RBFOX1: variants seen among roughly 807,000 people sequenced by gnomAD.
The protein encoded by RBFOX1 is RNA binding fox-1 homolog 1.
Under a neutral mutation model 57.7 loss-of-function variants are expected in RBFOX1, and 8 were observed. That is an observed-to-expected ratio of 0.14 (90% CI 0.08 to 0.25). RBFOX1 has a LOEUF of 0.25. RBFOX1 is among the 10% of genes least tolerant of loss of function. The pLI, the probability that RBFOX1 is intolerant of heterozygous loss-of-function variation, is 1.00. For synonymous variants in RBFOX1, 326 were observed against 222.4 expected (o/e 1.47, Z -4.15); for missense variants, 611 against 548.5 (o/e 1.11, Z -1.14).
intron 3 of RBFOX1, among the ~76,000 whole-genome samples, chr16:5,864,209 C>G (rs751941193): frequency 6.6e-6 from 1 of 152,290 alleles, no homozygotes; most frequent in East Asian, 1.9e-4. Flanking sequence ...CCAGCTCCAT[C>G]GATGTCCCTG....
At chr16:5,335,992 A>G (rs1001215411) in intron 1 of RBFOX1, among the ~76,000 whole-genome samples, 4 of 152,144 alleles carry the variant, frequency 2.6e-5, no homozygotes, top group Non-Finnish European at 5.9e-5. Context: ...AATTATTATT[A>G]GTCCAATTTG....
intron 2 of RBFOX1, among the ~76,000 whole-genome samples, chr16:6,564,292 G>A (rs2097224415): frequency 6.6e-6 from 1 of 152,088 alleles, no homozygotes; most frequent in Middle Eastern, 3.2e-3. Context: ...AAAATATGTG[G>A]CAGTATTGGC....
chr16:7,419,369 G>A (rs2098516978), intron 4 of RBFOX1, among the ~76,000 whole-genome samples: 1 of 152,152 alleles, frequency 6.6e-6, no homozygotes, highest in Admixed American at 6.5e-5. Flanking sequence ...AGTCTCCACT[G>A]TCTCTCATCT....
intron 4 of RBFOX1, among the ~76,000 whole-genome samples, chr16:5,925,522 C>T (rs1309495563): frequency 6.6e-6 from 1 of 152,134 alleles, no homozygotes; most frequent in Non-Finnish European, 1.5e-5. Context: ...GGAACATGAA[C>T]ATGATTAGTG....
intron 4 of RBFOX1, among the ~76,000 whole-genome samples, chr16:7,166,087 C>T (rs985217525): frequency 2.0e-5 from 3 of 152,044 alleles, no homozygotes; most frequent in African/African-American, 7.3e-5. Flanking sequence ...GATCTCAGCC[C>T]ACTGTAACTT....
At chr16:5,474,371 C>T (rs200970146) in intron 2 of RBFOX1, among the ~76,000 whole-genome samples, 16 of 152,246 alleles carry the variant, frequency 1.1e-4, no homozygotes, top group South Asian at 4.2e-4. Context: ...TACCCCTGGA[C>T]GGCTAGGCGC....
chr16:7,110,446 G>C (rs1293158327), intron 4 of RBFOX1, among the ~76,000 whole-genome samples: 6 of 152,154 alleles, frequency 3.9e-5, no homozygotes, highest in Non-Finnish European at 7.3e-5. Context: ...GCAAATATGA[G>C]TGGAGACAAG....
rs367572052 is a variant in RBFOX1 at position 7,443,426 on chromosome 16, C to T, written c.28-74721C>T. Among the ~76,000 whole-genome samples the T allele has an allele frequency of 3.3e-5, 5 of 151,422 alleles. No individual in the cohort carries two copies. In the East Asian group the frequency reaches 9.8e-4, roughly 30 times the overall value. ...AATAAGCTCTGGCTTCAAGAGCTCC[C>T]CCTCCCCTCTTTCTTTGCCCCCTCC... On this transcript the variant is annotated intron_variant, in intron 4 of 15. Coordinates refer to ENST00000550418, the MANE Select transcript of RBFOX1 (RefSeq NM_018723.4).
chr16:5,616,548 C>T (rs964711891), intron 3 of RBFOX1, among the ~76,000 whole-genome samples: 4 of 151,448 alleles, frequency 2.6e-5, no homozygotes, highest in African/African-American at 9.7e-5. Context: ...TCCCTTTCCT[C>T]TCCCTCCTCC....
chr16:6,755,759 C>A (rs912664678), intron 3 of RBFOX1, among the ~76,000 whole-genome samples: 5 of 152,116 alleles, frequency 3.3e-5, no homozygotes, highest in African/African-American at 1.2e-4. Context: ...CCCCCTTGTA[C>A]TTTGGCCTTC....
chr16:7,306,360 A>T (rs1218834643), intron 4 of RBFOX1, among the ~76,000 whole-genome samples: 5 of 152,114 alleles, frequency 3.3e-5, no homozygotes, highest in Admixed American at 6.6e-5. Flanking sequence ...GAGGAAAAAC[A>T]CCCCTGCTCT....
At chr16:6,373,405 G>T (rs1334811048) in intron 2 of RBFOX1, among the ~76,000 whole-genome samples, 1 of 151,130 alleles carries the variant, frequency 6.6e-6, no homozygotes, top group Non-Finnish European at 1.5e-5. Flanking sequence ...TAGGAGCATT[G>T]TTGGGTGCAA....
rs1382983349 is a variant in RBFOX1 at position 7,187,688 on chromosome 16, CACAAAAAAAAAAAAAAAA to C, written c.27+135592_27+135609del. Reference sequence around the variant, plus strand: ...TGGGCAACAGAATGAGACTCTGTCTCACAAAAAAAAAAAAAAAAAAAAAAAAAAAAAAAAAAAGGAAAA... The same window carrying C: ...TGGGCAACAGAATGAGACTCTGTCTCAAAAAAAAAAAAAAAAAAAGGAAAA... On this transcript the variant is annotated intron_variant, in intron 4 of 15. Coordinates refer to ENST00000550418, the MANE Select transcript of RBFOX1 (RefSeq NM_018723.4). 2.9e-3 allele frequency among the ~76,000 whole-genome samples: 127 copies of C among 43,240 alleles called. 1 individual carries two copies. Among genetic ancestry groups the C allele is most frequent in the African/African-American group, 8.8e-3 (119 of 13,456 alleles). 28.4% of individuals were successfully genotyped at this position (43,240 alleles called of 152,430 possible).
intron 4 of RBFOX1, among the ~76,000 whole-genome samples, chr16:5,965,930 G>T (rs1057101592): frequency 6.6e-6 from 1 of 152,114 alleles, no homozygotes. Flanking sequence ...ACCCTCCCCA[G>T]AAGATCTGGA....
chr16:5,527,337 G>A (rs1437837434), intron 2 of RBFOX1, among the ~76,000 whole-genome samples: 1 of 152,182 alleles, frequency 6.6e-6, no homozygotes, highest in Non-Finnish European at 1.5e-5. Flanking sequence ...CTGGGAAATG[G>A]AGTTCGTAGA....
chr16:5,589,526 A>T (rs1330808678), intron 2 of RBFOX1, among the ~76,000 whole-genome samples: 1 of 152,184 alleles, frequency 6.6e-6, no homozygotes, highest in East Asian at 1.9e-4. Context: ...AAGGCCATAT[A>T]GCTCATTAAT....
intron 4 of RBFOX1, among the ~76,000 whole-genome samples, chr16:7,185,646 C>G (rs759083052): frequency 3.9e-5 from 6 of 152,152 alleles, no homozygotes; most frequent in Non-Finnish European, 7.4e-5. Flanking sequence ...AATCATAAAT[C>G]AATTTAGTTT....
chr16:5,494,371 A>T (rs2042932442), intron 2 of RBFOX1, among the ~76,000 whole-genome samples: 1 of 152,226 alleles, frequency 6.6e-6, no homozygotes, highest in South Asian at 2.1e-4. Flanking sequence ...TGCATGTGTC[A>T]GGGAAAGAAC....
At chr16:6,072,388 T>G (rs2095848134) in intron 1 of RBFOX1, among the ~76,000 whole-genome samples, 1 of 152,206 alleles carries the variant, frequency 6.6e-6, no homozygotes, top group Non-Finnish European at 1.5e-5. Flanking sequence ...TTTTGGCTAT[T>G]GTGCTTAATG....
Sources: allele counts gnomAD v4.1 joint callset (sites outside exome capture counted in the v4.1 genomes callset), GRCh38; gene constraint gnomAD v4.1.1; transcripts MANE v1.5; gene names NCBI Gene and HGNC (gene_info 2026-07-23, HGNC 2026-07-21).